Variants in WWTR1 observed in about 807,000 individuals in gnomAD.
WWTR1 encodes the protein WW domain-containing transcription regulator protein 1.
A neutral mutation model predicts 40.1 loss-of-function variants in WWTR1; 13 were observed. The ratio of observed to expected loss-of-function variants is 0.32; its 90% CI spans 0.21 to 0.52. The LOEUF (loss-of-function observed/expected upper bound fraction) is 0.52, where lower values mean the gene tolerates loss of function less well. WWTR1 is among the 20% of genes least tolerant of loss of function. The probability of loss-of-function intolerance (pLI) is 0.97; values close to 1 mark genes in which losing one functional copy is unlikely to be tolerated. For synonymous variants in WWTR1, 230 were observed against 210.1 expected (o/e 1.09, Z -0.82); for missense variants, 436 against 523.1 (o/e 0.83, Z 1.63).
intron 1 of WWTR1, among the ~76,000 whole-genome samples, chr3:149,680,586 G>A (rs1037266138): frequency 4.1e-5 from 6 of 144,744 alleles, no homozygotes; most frequent in East Asian, 4.1e-4. Flanking sequence ...ACAAAAAAAC[G>A]TATTTGGGAG....
intron 5 of WWTR1, among the ~76,000 whole-genome samples, chr3:149,526,596 ATATTT>A (rs1421094318): frequency 6.6e-6 from 1 of 152,164 alleles, no homozygotes; most frequent in East Asian, 1.9e-4. Context: ...ATTAATTGTA[ATATTT>A]TATTTGTTAA....
At chr3:149,631,189 A>T (rs1217570624) in intron 2 of WWTR1, among the ~76,000 whole-genome samples, 1 of 152,174 alleles carries the variant, frequency 6.6e-6, no homozygotes, top group Non-Finnish European at 1.5e-5. Flanking sequence ...ACCTCCTACC[A>T]ATATCATGGG....
At chr3:149,581,772 A>C (rs1738160923) in intron 2 of WWTR1, among the ~76,000 whole-genome samples, 1 of 152,178 alleles carries the variant, frequency 6.6e-6, no homozygotes, top group South Asian at 2.1e-4. Flanking sequence ...AGCAGTAGGC[A>C]CAGCAGCCAT....
At chr3:149,705,298 C>A (rs1286481212), upstream of WWTR1, among the ~76,000 whole-genome samples, 1 of 152,034 alleles carries the variant, frequency 6.6e-6, no homozygotes, top group Non-Finnish European at 1.5e-5. Flanking sequence ...ATTGATAGCG[C>A]CCCCAAAATA....
chr3:149,568,851 C>G (rs1028935327), intron 3 of WWTR1, among the ~76,000 whole-genome samples: 33 of 152,330 alleles, frequency 2.2e-4, no homozygotes, highest in Admixed American at 6.5e-4. Flanking sequence ...ACTGCAAGCT[C>G]CGCCTCCCGG....
At chr3:149,646,296 G>C (rs1393032711) in intron 2 of WWTR1, among the ~76,000 whole-genome samples, 1 of 152,178 alleles carries the variant, frequency 6.6e-6, no homozygotes, top group Non-Finnish European at 1.5e-5. Context: ...AATCTGTCAA[G>C]ACCAGTATGT....
intron 3 of WWTR1, 46 bp downstream of exon 3, chr3:149,572,818 C>CAA: frequency 1.4e-6 from 2 of 1,409,494 alleles, no homozygotes. Context: ...CCCAACTCTA[C>CAA]AAAAAAAAAA....
intron 1 of WWTR1, among the ~76,000 whole-genome samples, chr3:149,696,029 C>T (rs1367618618): frequency 5.8e-5 from 8 of 138,700 alleles, no homozygotes; most frequent in Non-Finnish European, 1.1e-4. Flanking sequence ...AGGAGAATGG[C>T]GTGAACCCAG....
At chr3:149,588,463 G>A (rs34470442) in intron 2 of WWTR1, among the ~76,000 whole-genome samples, 14,172 of 152,158 alleles carry the variant, frequency 0.093, 860 homozygotes, top group Non-Finnish European at 0.13. Context: ...TGTCCACAGC[G>A]GTTTTGTTTC....
intron 5 of WWTR1, among the ~76,000 whole-genome samples, chr3:149,526,476 G>C (rs1173525935): frequency 6.6e-6 from 1 of 152,136 alleles, no homozygotes; most frequent in Non-Finnish European, 1.5e-5. Context: ...GGGCAGTAAG[G>C]GGTATAAAAG....
At chr3:149,614,606 T>A (rs921505935) in intron 2 of WWTR1, among the ~76,000 whole-genome samples, 4 of 152,224 alleles carry the variant, frequency 2.6e-5, no homozygotes, top group Admixed American at 1.3e-4. Flanking sequence ...TGATTCTACA[T>A]CTTCCTCCAA....
chr3:149,546,116 C>T (rs536159689), intron 3 of WWTR1, among the ~76,000 whole-genome samples: 1 of 152,336 alleles, frequency 6.6e-6, no homozygotes, highest in East Asian at 1.9e-4. Context: ...CTTTAAAACA[C>T]TTGCCCCTAC....
Position 149,585,860 on chromosome 3 carries a change from T to G in WWTR1, c.432-12860A>C, listed in dbSNP as rs187170093. Among the ~76,000 whole-genome samples, 284 of 152,332 alleles carry G rather than the reference T, an allele frequency of 1.9e-3. 1 individual carries two copies. The highest frequency in any genetic ancestry group is 6.5e-3 in the African/African-American group (270 of 41,584). ...TTTCTAATAATTTACAAGGAGATAA[T>G]AGTTCCAAAATGTGAGGGGACATAC... On this transcript the variant is annotated intron_variant, in intron 2 of 6. Transcript: ENST00000360632.
intron 2 of WWTR1, among the ~76,000 whole-genome samples, chr3:149,573,852 A>G (rs1057073005): frequency 2.6e-5 from 4 of 152,088 alleles, no homozygotes; most frequent in African/African-American, 9.7e-5. Flanking sequence ...AGCTTTGCCT[A>G]CCACCTTCCA....
At chr3:149,689,424 A>G (rs12635676) in intron 1 of WWTR1, among the ~76,000 whole-genome samples, 1,902 of 150,308 alleles carry the variant, frequency 0.013, 30 homozygotes, top group East Asian at 0.056. Context: ...GAAAAAAAAA[A>G]AGAATAACCC....
chr3:149,573,330 C>T (rs1307330560), intron 2 of WWTR1, among the ~76,000 whole-genome samples: 1 of 152,124 alleles, frequency 6.6e-6, no homozygotes, highest in Non-Finnish European at 1.5e-5. Flanking sequence ...TCTCAGCCAT[C>T]CAATCACTGG....
At chr3:149,610,922 C>T (rs991851071) in intron 2 of WWTR1, among the ~76,000 whole-genome samples, 1 of 151,836 alleles carries the variant, frequency 6.6e-6, no homozygotes, top group Non-Finnish European at 1.5e-5. Flanking sequence ...GTGGGAGGAT[C>T]GCTTGAAGTC....
At chr3:149,530,377 T>C (rs896721141) in intron 4 of WWTR1, among the ~76,000 whole-genome samples, 1 of 151,508 alleles carries the variant, frequency 6.6e-6, no homozygotes, top group Non-Finnish European at 1.5e-5. Context: ...ACAAGTTGAA[T>C]CTGCAATTTC....
chr3:149,657,320 A>C lies in WWTR1; in HGVS notation c.-3-11T>G. On this transcript the variant is annotated splice_polypyrimidine_tract_variant and intron_variant, in intron 1 of 6. Transcript: ENST00000360632. ...GGCCGGATTCATCTTCTGCAAAAAG[A>C]AGGTCAGATCAGCCTTTTATTTAAA... 6.2e-7 allele frequency: 1 copy of C among 1,604,082 alleles called. No homozygotes were observed. The highest frequency in any genetic ancestry group is 1.1e-5 in the South Asian group (1 of 89,170).
Sources: gnomAD v4.1 joint callset for allele counts (sites outside exome capture counted in the v4.1 genomes callset) on GRCh38, gnomAD v4.1.1 for gene constraint, MANE v1.5 for transcripts, NCBI Gene and HGNC (gene_info 2026-07-23, HGNC 2026-07-21) for gene names.